NRXN1: variants seen among roughly 807,000 people sequenced by gnomAD.
NRXN1 encodes the protein neurexin-1.
NRXN1 carries 39 observed loss-of-function variants against 150.9 expected under a neutral mutation model. The observed-to-expected ratio is 0.26, with a 90% CI of 0.20 to 0.34. NRXN1 has a LOEUF of 0.34. NRXN1 is among the 10% of genes least tolerant of loss of function. The pLI is 1.00. For missense variants in NRXN1, 1,815 were observed against 1,949.9 expected, an observed-to-expected ratio of 0.93 and a Z score of 1.30; for synonymous variants, 924 against 757.0, an observed-to-expected ratio of 1.22 and a Z score of -3.62.
intron 17 of NRXN1, among the ~76,000 whole-genome samples, chr2:50,331,814 T>TC: frequency 6.6e-6 from 1 of 152,156 alleles, no homozygotes. Context: ...AGGTAAAAAG[T>TC]CGTAAGTTGA....
intron 5 of NRXN1, among the ~76,000 whole-genome samples, chr2:50,647,801 A>T (rs891671743): frequency 6.6e-6 from 1 of 151,978 alleles, no homozygotes; most frequent in Non-Finnish European, 1.5e-5. Flanking sequence ...TAGGATGGAA[A>T]ATTTGTAGTC....
intron 21 of NRXN1, among the ~76,000 whole-genome samples, chr2:49,980,511 C>G (rs941666207): frequency 6.6e-6 from 1 of 152,120 alleles, no homozygotes; most frequent in Non-Finnish European, 1.5e-5. Flanking sequence ...AATAGCTTCA[C>G]AGCAGAGAGG....
chr2:50,217,900 A>T (rs752137746), intron 18 of NRXN1, among the ~76,000 whole-genome samples: 14 of 152,092 alleles, frequency 9.2e-5, no homozygotes, highest in Non-Finnish European at 1.9e-4. Flanking sequence ...GAAAACATTT[A>T]CTGATGCCTA....
intron 5 of NRXN1, among the ~76,000 whole-genome samples, chr2:50,770,709 T>C (rs1445482887): frequency 6.6e-6 from 1 of 152,060 alleles, no homozygotes; most frequent in Non-Finnish European, 1.5e-5. Context: ...CAAACACTTT[T>C]TTGAGGCATG....
chr2:50,867,967 C>T (rs1002662466), intron 5 of NRXN1, among the ~76,000 whole-genome samples: 2 of 151,126 alleles, frequency 1.3e-5, no homozygotes, highest in African/African-American at 4.9e-5. Context: ...TTTATAATGA[C>T]CTGAACTGTA....
intron 5 of NRXN1, among the ~76,000 whole-genome samples, chr2:50,894,146 G>A (rs966524217): frequency 3.3e-5 from 5 of 151,752 alleles, no homozygotes; most frequent in South Asian, 2.1e-4. Context: ...GCTAGATGAC[G>A]AGTTAGTGGG....
chr2:50,862,474 A>C (rs2106039367), intron 5 of NRXN1, among the ~76,000 whole-genome samples: 1 of 152,130 alleles, frequency 6.6e-6, no homozygotes, highest in African/African-American at 2.4e-5. Context: ...ACATGGATAC[A>C]TTTCTTTCAG....
chr2:49,931,200 T>A (rs1670066867), intron 22 of NRXN1, among the ~76,000 whole-genome samples: 1 of 152,192 alleles, frequency 6.6e-6, no homozygotes, highest in South Asian at 2.1e-4. Context: ...TAACATCTCA[T>A]ATTTCTTTAA....
chr2:50,801,018 C>A (rs1006318057), intron 5 of NRXN1, among the ~76,000 whole-genome samples: 7 of 152,018 alleles, frequency 4.6e-5, no homozygotes, highest in Non-Finnish European at 1.5e-5. Flanking sequence ...TTTTGAATGA[C>A]TTCTATTAAA....
rs548283256 is a variant in NRXN1, at chr2:50,566,038, A to G, written c.1321-13013T>C. ...AGAAATGGGGAGGGCTGTGCTCATT[A>G]GCACAGCGATGCTGACCCGACACTA... On this transcript the variant is annotated intron_variant, in intron 8 of 22. Coordinates refer to ENST00000401669, the MANE Select transcript of NRXN1 (RefSeq NM_001330078.2). 9.7e-4 allele frequency among the ~76,000 whole-genome samples: 148 copies of G among 152,276 alleles called. 1 individual carries two copies. Among genetic ancestry groups the G allele is most frequent in the African/African-American group, 3.5e-3 (144 of 41,560 alleles).
intron 5 of NRXN1, among the ~76,000 whole-genome samples, chr2:50,828,555 C>T (rs1424768603): frequency 1.7e-4 from 21 of 125,670 alleles, no homozygotes; most frequent in Non-Finnish European, 3.2e-4. Context: ...CAGACGGGGT[C>T]GCGGCCGGGC....
chr2:50,198,697 G>A (rs4971660), intron 18 of NRXN1, among the ~76,000 whole-genome samples: 31,989 of 151,730 alleles, frequency 0.21, 3,909 homozygotes, highest in East Asian at 0.4. Context: ...TGTCATTAAA[G>A]TGCAGGGATC....
At chr2:50,830,030 A>AAAAAAAAAAAAAAT (rs1671193479) in intron 5 of NRXN1, among the ~76,000 whole-genome samples, 1 of 135,460 alleles carries the variant, frequency 7.4e-6, no homozygotes, top group South Asian at 2.3e-4. Flanking sequence ...AAAAAAAAAA[A>AAAAAAAAAAAAAAT]GCTCATTTCT....
chr2:50,869,688 T>A (rs527438962), intron 5 of NRXN1, among the ~76,000 whole-genome samples: 1 of 151,964 alleles, frequency 6.6e-6, no homozygotes, highest in South Asian at 2.1e-4. Flanking sequence ...AATTATTTAA[T>A]TTGTCTAATT....
chr2:51,000,574 T>C lies in NRXN1; in HGVS notation c.772+26928A>G, dbSNP rs921562027. ...AAACAGGTAAAAAATAATGAAACAA[T>C]TTTTGGAAAGAGATAAAATAATTTA... On this transcript the variant is annotated intron_variant, in intron 2 of 22. Coordinates refer to ENST00000401669, the MANE Select transcript of NRXN1 (RefSeq NM_001330078.2). Among the ~76,000 whole-genome samples the C allele has an allele frequency of 2.0e-5, 3 of 151,888 alleles. No homozygotes were observed. The South Asian group carries it at 6.2e-4, about 31-fold the overall frequency.
At chr2:49,981,399 G>A (rs950441983) in intron 21 of NRXN1, among the ~76,000 whole-genome samples, 2 of 151,812 alleles carry the variant, frequency 1.3e-5, no homozygotes, top group East Asian at 3.9e-4. Flanking sequence ...TGAAGGGGAG[G>A]GAGGGAAGAG....
intron 21 of NRXN1, among the ~76,000 whole-genome samples, chr2:49,962,727 G>C (rs1048554310): frequency 6.6e-6 from 1 of 152,062 alleles, no homozygotes; most frequent in Non-Finnish European, 1.5e-5. Context: ...GGCCGGACAC[G>C]GTGGCTCATG....
At chr2:50,420,961 C>CCT (rs2083937846) in intron 17 of NRXN1, among the ~76,000 whole-genome samples, 1 of 115,466 alleles carries the variant, frequency 8.7e-6, no homozygotes, top group Admixed American at 9.0e-5. Flanking sequence ...TCAAAATAGA[C>CCT]CTGTGTGTGT....
chr2:50,675,850 A>G (rs780944331), intron 5 of NRXN1, among the ~76,000 whole-genome samples: 1 of 152,142 alleles, frequency 6.6e-6, no homozygotes, highest in Non-Finnish European at 1.5e-5. Context: ...AGTTATCTGC[A>G]GTGTGGTTAG....
Sources: allele counts gnomAD v4.1 joint callset (sites outside exome capture counted in the v4.1 genomes callset), GRCh38; gene constraint gnomAD v4.1.1; transcripts MANE v1.5; gene names NCBI Gene and HGNC (gene_info 2026-07-23, HGNC 2026-07-21).